RMND5A: variants seen among roughly 807,000 people sequenced by gnomAD.
RMND5A encodes E3 ubiquitin-protein transferase RMND5A.
In RMND5A, 17 loss-of-function variants were observed where a neutral mutation model predicts 49.7. That is an observed-to-expected ratio of 0.34 (90% CI 0.23 to 0.51). The LOEUF is 0.51. Among genes scored for constraint, RMND5A ranks in the 20% least tolerant of loss-of-function variants. The pLI is 0.96. For synonymous variants in RMND5A, 156 were observed against 167.7 expected (o/e 0.93, Z 0.54); for missense variants, 255 against 471.3 (o/e 0.54, Z 4.25).
rs1672663289 is a variant in RMND5A at position 86,770,020 on chromosome 2, C to T, written c.855-3C>T. ...ACTGACGTTTCCTCTTCTGCTCTCC[C>T]AGTTTCTCAGCAGGTTGTGTGGCGC... On this transcript the variant is annotated splice_polypyrimidine_tract_variant and splice_region_variant and intron_variant, in intron 6 of 8. Transcript: ENST00000283632. 1 of 1,612,316 alleles carries T rather than the reference C, an allele frequency of 6.2e-7. No homozygotes were observed. Among genetic ancestry groups the T allele is most frequent in the Non-Finnish European group, 8.5e-7 (1 of 1,178,488 alleles).
At chr2:86,752,471 T>G (rs1681653149) in intron 3 of RMND5A, among the ~76,000 whole-genome samples, 1 of 152,252 alleles carries the variant, frequency 6.6e-6, no homozygotes, top group South Asian at 2.1e-4. Context: ...AGCATTTGTC[T>G]TTTATTTCTA....
intron 2 of RMND5A, among the ~76,000 whole-genome samples, chr2:86,746,621 G>A (rs962612278): frequency 6.6e-6 from 1 of 152,254 alleles, no homozygotes; most frequent in Non-Finnish European, 1.5e-5. Flanking sequence ...CTCAACTGGA[G>A]TTCCTTGAGA....
chr2:86,772,061 C>T (rs1410464137), intron 8 of RMND5A, among the ~76,000 whole-genome samples: 1 of 152,138 alleles, frequency 6.6e-6, no homozygotes, highest in African/African-American at 2.4e-5. Context: ...AAACAGCCCT[C>T]ATTATTTTTT....
chr2:86,762,671 TATATATATCATATATATATCATATATATC>T (rs1473716940), intron 4 of RMND5A, among the ~76,000 whole-genome samples: 21 of 135,808 alleles, frequency 1.5e-4, no homozygotes, highest in African/African-American at 5.7e-4. Flanking sequence ...TTTTTATATA[TATATATATCATATATATATCATATATATC>T]ATATATATCA....
In RMND5A at chr2:86,777,439, C is replaced by T. The variant is rs1265252355; in HGVS notation, c.*4028C>T. On this transcript the variant is annotated 3_prime_UTR_variant, in exon 9 of 9. Transcript: ENST00000283632. ...TGAGTGTGCATGTGTCTGAAGTTCA[C>T]CATTGCCCCCACCTGCACCTAGCAA... 1 of 152,098 alleles carries T rather than the reference C, an allele frequency of 6.6e-6. No homozygotes were observed. The highest frequency in any genetic ancestry group is 1.5e-5 in the Non-Finnish European group (1 of 68,024). 9.4% of individuals were successfully genotyped at this position (152,098 alleles called of 1,614,324 possible). A position where few individuals can be genotyped will look rare whatever the true frequency, so the allele number is the denominator to read the frequency against.
At chr2:86,760,403 G>A (rs1001131549) in intron 4 of RMND5A, among the ~76,000 whole-genome samples, 3 of 152,146 alleles carry the variant, frequency 2.0e-5, no homozygotes, top group East Asian at 1.9e-4. Flanking sequence ...ACATAAATTC[G>A]TTTTTACCAC....
chr2:86,732,642 C>T (rs1348655704), intron 1 of RMND5A, among the ~76,000 whole-genome samples: 1 of 149,900 alleles, frequency 6.7e-6, no homozygotes. Flanking sequence ...TTTGTTATAC[C>T]TTCCTATATT....
chr2:86,720,706 G>A lies in RMND5A; in HGVS notation c.39G>A (p.Lys13=). 3 of 1,579,686 alleles carry A rather than the reference G, an allele frequency of 1.9e-6. No homozygotes were observed. Among genetic ancestry groups the A allele is most frequent in the Non-Finnish European group, 2.6e-6 (3 of 1,164,728 alleles). The change falls in exon 1 of 9, where the codon AAG becomes AAA. Residue 13 remains lysine (K), a synonymous_variant. Transcript: ENST00000283632. ...TGACGGTGGAGCGCGAGCTGGAGAA[G>A]GTGCTGCACAAGTTCTCAGGCTACG... The part of the protein sequence containing the change: ...QCVTVERELE[K]VLHKFSGYGQ...
rs1573449161 is a variant in RMND5A, at chr2:86,774,097, T to G, written c.*686T>G. 1 of 152,596 alleles carries G rather than the reference T, an allele frequency of 6.6e-6. No homozygotes were observed. Among genetic ancestry groups the G allele is most frequent in the South Asian group, 2.1e-4 (1 of 4,826 alleles). 9.5% of individuals were successfully genotyped at this position (152,596 alleles called of 1,614,324 possible). A position where few individuals can be genotyped will look rare whatever the true frequency, so the allele number is the denominator to read the frequency against. ...TTCCGTTAGCATAGAGTGGAAGGAG[T>G]ACTATTGTTTGGTTGGGTTTTTGTT... On this transcript the variant is annotated 3_prime_UTR_variant, in exon 9 of 9. Coordinates refer to ENST00000283632, the MANE Select transcript of RMND5A (RefSeq NM_022780.4).
chr2:86,762,729 T>TATATATATG (rs1672524641), intron 4 of RMND5A, among the ~76,000 whole-genome samples: 1 of 118,306 alleles, frequency 8.5e-6, no homozygotes, highest in African/African-American at 3.6e-5. Context: ...ATATATATCA[T>TATATATATG]ATATATCATA....
intron 8 of RMND5A, 136 bp from the exon 9 acceptor site, chr2:86,773,212 C>G: frequency 4.3e-6 from 2 of 462,616 alleles, no homozygotes; most frequent in Non-Finnish European, 7.8e-6. Context: ...ATCCTCAAAG[C>G]AAAATACAAA....
intron 2 of RMND5A, 46 bp from the exon 3 acceptor site, chr2:86,751,850 G>A (rs746811175): frequency 1.8e-5 from 29 of 1,580,060 alleles, no homozygotes; most frequent in Non-Finnish European, 2.4e-5. Context: ...GTTAAGTGGG[G>A]TGAAAATAAT....
intron 4 of RMND5A, among the ~76,000 whole-genome samples, chr2:86,762,668 ATATATATATAT>A (rs1672515252): frequency 7.1e-6 from 1 of 141,020 alleles, no homozygotes; most frequent in Non-Finnish European, 1.5e-5. Flanking sequence ...ATTTTTTTAT[ATATATATATAT>A]CATATATATA....
intron 1 of RMND5A, among the ~76,000 whole-genome samples, chr2:86,732,690 A>G (rs866585828): frequency 8.0e-5 from 12 of 149,082 alleles, no homozygotes; most frequent in Non-Finnish European, 1.5e-4. Flanking sequence ...CACATTATAT[A>G]TTAGAGATGT....
At chr2:86,772,033 T>C (rs1672692995) in intron 8 of RMND5A, among the ~76,000 whole-genome samples, 1 of 152,246 alleles carries the variant, frequency 6.6e-6, no homozygotes, top group Non-Finnish European at 1.5e-5. Flanking sequence ...ATTTTGGAGA[T>C]CTTTTTCTGT....
intron 2 of RMND5A, among the ~76,000 whole-genome samples, chr2:86,748,888 A>G (rs1681585184): frequency 6.6e-6 from 1 of 152,234 alleles, no homozygotes; most frequent in Admixed American, 6.5e-5. Flanking sequence ...CATTAAATGA[A>G]TAAGTAGAAA....
chr2:86,732,668 C>G (rs1681353167), intron 1 of RMND5A, among the ~76,000 whole-genome samples: 1 of 149,718 alleles, frequency 6.7e-6, no homozygotes, highest in African/African-American at 2.6e-5. Flanking sequence ...TTAGAATATA[C>G]TTTTATAGGG....
chr2:86,768,132 C>T (rs2104410421), intron 6 of RMND5A, among the ~76,000 whole-genome samples: 1 of 152,242 alleles, frequency 6.6e-6, no homozygotes, highest in Admixed American at 6.5e-5. Context: ...TTTTATGTTT[C>T]TCATTTTAAT....
chr2:86,777,194 C>G lies in RMND5A; in HGVS notation c.*3783C>G, dbSNP rs1011764194. 6.6e-6 allele frequency: 1 copy of G among 152,198 alleles called. No homozygotes were observed. Among genetic ancestry groups the G allele is most frequent in the African/African-American group, 2.4e-5 (1 of 41,428 alleles). 9.4% of individuals were successfully genotyped at this position (152,198 alleles called of 1,614,324 possible). ...TAGTGGGCATATGCTTCATTTACTT[C>G]CAAAGAGGCAAAAGCAGCTGGAATT... On this transcript the variant is annotated 3_prime_UTR_variant, in exon 9 of 9. Coordinates refer to ENST00000283632, the MANE Select transcript of RMND5A (RefSeq NM_022780.4).
Sources: gnomAD v4.1 joint callset for allele counts (sites outside exome capture counted in the v4.1 genomes callset) on GRCh38, gnomAD v4.1.1 for gene constraint, MANE v1.5 for transcripts, NCBI Gene and HGNC (gene_info 2026-07-23, HGNC 2026-07-21) for gene names.